The following UNC5D variants were observed in gnomAD, a reference collection of about 807,000 sequenced individuals.
UNC5D encodes the protein netrin receptor UNC5D.
A neutral mutation model predicts 105.4 loss-of-function variants in UNC5D; 39 were observed. The ratio of observed to expected loss-of-function variants is 0.37; its 90% CI spans 0.29 to 0.48. The LOEUF is 0.48. UNC5D is among the 20% of genes least tolerant of loss of function. The pLI is 0.98. For missense variants in UNC5D, 991 were observed against 1,202.4 expected, an observed-to-expected ratio of 0.82 and a Z score of 2.60; for synonymous variants, 452 against 450.4, an observed-to-expected ratio of 1.00 and a Z score of -0.04.
chr8:35,393,964 C>T (rs944916668), intron 1 of UNC5D, among the ~76,000 whole-genome samples: 4 of 152,032 alleles, frequency 2.6e-5, no homozygotes, highest in African/African-American at 9.7e-5. Context: ...CTCTTCTTCC[C>T]TTTCTTCTCC....
intron 1 of UNC5D, among the ~76,000 whole-genome samples, chr8:35,253,124 G>A (rs1030927825): frequency 4.6e-5 from 7 of 151,636 alleles, no homozygotes; most frequent in Admixed American, 2.0e-4. Flanking sequence ...GTGTGTGTGC[G>A]TGTGTGTGTA....
chr8:35,483,609 T>C (rs2589750), intron 1 of UNC5D, among the ~76,000 whole-genome samples: 67,583 of 151,986 alleles, frequency 0.44, 17,977 homozygotes, highest in African/African-American at 0.75. Context: ...TTCTACATAG[T>C]AGTATGGTTC....
chr8:35,752,105 G>A (rs556783996), intron 13 of UNC5D, among the ~76,000 whole-genome samples: 1 of 152,150 alleles, frequency 6.6e-6, no homozygotes, highest in South Asian at 2.1e-4. Context: ...TAATTATCAG[G>A]GCTACTAGGG....
At chr8:35,730,103 G>A (rs16884338) in intron 10 of UNC5D, among the ~76,000 whole-genome samples, 13,126 of 152,220 alleles carry the variant, frequency 0.086, 638 homozygotes, top group Middle Eastern at 0.16. Flanking sequence ...AAGAATAGGA[G>A]GTTGCCTTGA....
chr8:35,379,452 C>A (rs551843349), intron 1 of UNC5D, among the ~76,000 whole-genome samples: 1 of 152,220 alleles, frequency 6.6e-6, no homozygotes, highest in Non-Finnish European at 1.5e-5. Flanking sequence ...ACTGAGTGAC[C>A]GAGCCACATG....
At chr8:35,766,804 C>G in intron 14 of UNC5D, 98 bp from the exon 15 acceptor site, 1 of 1,348,162 alleles carries the variant, frequency 7.4e-7, no homozygotes, top group Non-Finnish European at 9.9e-7. Context: ...TTGTTGTTGT[C>G]GTCATCATCA....
chr8:35,694,835 G>T (rs1408609285), intron 7 of UNC5D, among the ~76,000 whole-genome samples: 4 of 151,904 alleles, frequency 2.6e-5, no homozygotes, highest in Non-Finnish European at 5.9e-5. Flanking sequence ...CCCACCTCAG[G>T]CTCCCAAAGT....
intron 1 of UNC5D, among the ~76,000 whole-genome samples, chr8:35,287,020 T>G (rs895539964): frequency 5.9e-5 from 9 of 152,146 alleles, no homozygotes; most frequent in African/African-American, 1.9e-4. Context: ...CCAGAAATAC[T>G]ATTTGATCTC....
intron 14 of UNC5D, among the ~76,000 whole-genome samples, chr8:35,761,045 T>C (rs907438783): frequency 6.6e-6 from 1 of 152,146 alleles, no homozygotes; most frequent in African/African-American, 2.4e-5. Context: ...ACTTTTTTTT[T>C]CAGGGGGCCA....
intron 1 of UNC5D, among the ~76,000 whole-genome samples, chr8:35,321,521 C>G (rs1002374521): frequency 2.6e-5 from 4 of 152,006 alleles, no homozygotes; most frequent in African/African-American, 9.7e-5. Flanking sequence ...CCTTCCACAC[C>G]GATTGTAAGT....
At chr8:35,765,334 A>G (rs1039486035) in intron 14 of UNC5D, among the ~76,000 whole-genome samples, 3 of 152,216 alleles carry the variant, frequency 2.0e-5, no homozygotes, top group Admixed American at 6.5e-5. Context: ...GTTCCATACT[A>G]ACAGCCCACT....
At chr8:35,342,944 A>G (rs1585628823) in intron 1 of UNC5D, among the ~76,000 whole-genome samples, 1 of 152,132 alleles carries the variant, frequency 6.6e-6, no homozygotes, top group Admixed American at 6.5e-5. Context: ...GCTACATTTT[A>G]TACAAGCTGT....
At chr8:35,391,363 C>T (rs996641379) in intron 1 of UNC5D, among the ~76,000 whole-genome samples, 4 of 152,116 alleles carry the variant, frequency 2.6e-5, no homozygotes, top group Non-Finnish European at 5.9e-5. Context: ...TTAGTCTTAT[C>T]CCAGCATCAC....
chr8:35,532,134 C>T (rs1309705485), intron 1 of UNC5D, among the ~76,000 whole-genome samples: 1 of 146,060 alleles, frequency 6.8e-6, no homozygotes, highest in East Asian at 2.0e-4. Context: ...GCAGTTTCTT[C>T]CTAGTCTCGA....
intron 1 of UNC5D, among the ~76,000 whole-genome samples, chr8:35,482,418 T>C (rs1463685112): frequency 1.3e-5 from 2 of 152,190 alleles, no homozygotes; most frequent in Admixed American, 1.3e-4. Flanking sequence ...CTGACATTGT[T>C]GTTCTAACTC....
chr8:35,630,053 G>A (rs560363276), intron 4 of UNC5D, among the ~76,000 whole-genome samples: 3 of 152,060 alleles, frequency 2.0e-5, no homozygotes, highest in South Asian at 2.1e-4. Flanking sequence ...TGATATTTAC[G>A]CATGGAAAAG....
intron 4 of UNC5D, among the ~76,000 whole-genome samples, chr8:35,643,342 C>A (rs1266887456): frequency 6.6e-6 from 1 of 152,110 alleles, no homozygotes; most frequent in Non-Finnish European, 1.5e-5. Flanking sequence ...TGCAGCCCAT[C>A]TCTGTTTTAA....
chr8:35,302,965 T>C (rs907362179), intron 1 of UNC5D, among the ~76,000 whole-genome samples: 11 of 152,122 alleles, frequency 7.2e-5, no homozygotes, highest in African/African-American at 2.7e-4. Flanking sequence ...ATTTGAGTTA[T>C]GTATATAAGT....
intron 2 of UNC5D, among the ~76,000 whole-genome samples, chr8:35,560,940 AAGAGTGGGGTAAGACAAGATATAATCTTC>A (rs1190589977): frequency 6.6e-6 from 1 of 152,162 alleles, no homozygotes; most frequent in Non-Finnish European, 1.5e-5. Flanking sequence ...ACCTACTGAC[AAGAGTGGGGTAAGACAAGATATAATCTTC>A]ATAGTAGGGT....
Sources: allele counts gnomAD v4.1 joint callset (sites outside exome capture counted in the v4.1 genomes callset), GRCh38; gene constraint gnomAD v4.1.1; transcripts MANE v1.5; gene names NCBI Gene and HGNC (gene_info 2026-07-23, HGNC 2026-07-21).